Variants in ZNF253 observed in about 807,000 individuals in gnomAD.
ZNF253 encodes DNA-binding protein.
A neutral mutation model predicts 11.9 loss-of-function variants in ZNF253; 8 were observed. The observed-to-expected ratio is 0.67, with a 90% CI of 0.40 to 1.22. The LOEUF (loss-of-function observed/expected upper bound fraction) is 1.22. ZNF253 is among the 50% of genes most tolerant of loss of function. ZNF253 has a pLI of 0.01. For synonymous variants in ZNF253, 194 were observed against 194.9 expected (o/e 1.00, Z 0.04); for missense variants, 485 against 586.9 (o/e 0.83, Z 1.79).
chr19:19,877,634 C>T (rs974823096), intron 1 of ZNF253, among the ~76,000 whole-genome samples: 5 of 152,302 alleles, frequency 3.3e-5, no homozygotes, highest in Admixed American at 6.5e-5. Flanking sequence ...CTCGGCCTCC[C>T]AAAGTGCTGA....
chr19:19,874,641 G>A (rs956014475), intron 1 of ZNF253, among the ~76,000 whole-genome samples: 2 of 152,194 alleles, frequency 1.3e-5, no homozygotes, highest in East Asian at 1.9e-4. Flanking sequence ...GCCGGGCGCA[G>A]TGGCTCACGC....
chr19:19,880,673 C>T (rs980429594), intron 3 of ZNF253, among the ~76,000 whole-genome samples: 1 of 151,152 alleles, frequency 6.6e-6, no homozygotes, highest in Non-Finnish European at 1.5e-5. Context: ...CCATCGCACT[C>T]CAGCCTGGGC....
At chr19:19,872,829 T>TA (rs1465099400) in intron 1 of ZNF253, among the ~76,000 whole-genome samples, 2 of 151,842 alleles carry the variant, frequency 1.3e-5, no homozygotes, top group Non-Finnish European at 2.9e-5. Context: ...CATGTAGACT[T>TA]ACCATTTAGA....
At chr19:19,872,137 T>TG (rs1312088933) in intron 1 of ZNF253, among the ~76,000 whole-genome samples, 1 of 152,164 alleles carries the variant, frequency 6.6e-6, no homozygotes, top group Non-Finnish European at 1.5e-5. Flanking sequence ...GAATGACTCT[T>TG]GCATCTTCAG....
At chr19:19,869,262 G>A (rs1231278804) in intron 1 of ZNF253, among the ~76,000 whole-genome samples, 1 of 152,074 alleles carries the variant, frequency 6.6e-6, no homozygotes, top group African/African-American at 2.4e-5. Flanking sequence ...CAAGAACAGT[G>A]CATAAACAGT....
chr19:19,874,571 T>C (rs1287547504), intron 1 of ZNF253, among the ~76,000 whole-genome samples: 1 of 151,250 alleles, frequency 6.6e-6, no homozygotes, highest in Non-Finnish European at 1.5e-5. Flanking sequence ...AATTGCATAG[T>C]AGTGTATAGT....
At chr19:19,884,057 C>CA (rs751875742) in intron 3 of ZNF253, among the ~76,000 whole-genome samples, 1,453 of 66,244 alleles carry the variant, frequency 0.022, 7 homozygotes, top group Middle Eastern at 0.055. Flanking sequence ...AACTCCATCT[C>CA]AAAAAAAAAA....
intron 1 of ZNF253, among the ~76,000 whole-genome samples, chr19:19,871,604 A>T (rs1164293121): frequency 4.6e-5 from 7 of 152,314 alleles, no homozygotes; most frequent in Non-Finnish European, 1.0e-4. Flanking sequence ...TTTGTCATTG[A>T]ATATAAGCAA....
chr19:19,872,292 T>A (rs1056231422), intron 1 of ZNF253, among the ~76,000 whole-genome samples: 20 of 152,210 alleles, frequency 1.3e-4, no homozygotes, highest in African/African-American at 4.1e-4. Flanking sequence ...CACCTGCTGC[T>A]ACTCCAGCCA....
chr19:19,872,058 C>A (rs1003351272), intron 1 of ZNF253, among the ~76,000 whole-genome samples: 1 of 152,150 alleles, frequency 6.6e-6, no homozygotes, highest in Non-Finnish European at 1.5e-5. Flanking sequence ...TCTACAGTCA[C>A]TTCTAGAGAG....
intron 3 of ZNF253, among the ~76,000 whole-genome samples, chr19:19,882,701 G>T (rs185077294): frequency 7.2e-5 from 11 of 152,078 alleles, no homozygotes; most frequent in African/African-American, 2.7e-4. Flanking sequence ...TGCTGGATGC[G>T]GTGGCTCACG....
intron 3 of ZNF253, among the ~76,000 whole-genome samples, chr19:19,885,451 C>T (rs559393841): frequency 1.2e-4 from 18 of 150,404 alleles, no homozygotes; most frequent in African/African-American, 4.2e-4. Flanking sequence ...AGTTCAGTAG[C>T]GCAATCTCAG....
rs200767587 is a variant in ZNF253, at chr19:19,880,089, G to T, written c.169G>T (p.Glu57Ter). 5 of 1,608,468 alleles carry T rather than the reference G, an allele frequency of 3.1e-6. No individual in the cohort carries two copies. Among genetic ancestry groups the T allele is most frequent in the Non-Finnish European group, 8.5e-7 (1 of 1,177,828 alleles). ...VSKPDLVTCL[E>*]QGKKPLTMER... ...TAAGCCAGACCTGGTTACCTGTCTG[G>T]AGCAAGGAAAAAAACCTTTAACTAT... is the stretch of plus-strand genomic sequence containing the variant. Residue 57 changes from glutamate to a stop codon, truncating the protein, a stop_gained, in exon 3 of 4, where the codon GAG (glutamate) becomes TAG (stop). Transcript: ENST00000589717. LOFTEE classifies it high-confidence loss of function.
chr19:19,867,188 A>G (rs2063115162), intron 1 of ZNF253, among the ~76,000 whole-genome samples: 1 of 152,140 alleles, frequency 6.6e-6, no homozygotes. Flanking sequence ...TAAAAGTACA[A>G]AAATTAGCTG....
In ZNF253 at chr19:19,892,015, CA is replaced by C. The variant is rs747864086; in HGVS notation, c.771del (p.Lys257AsnfsTer20). On this transcript the variant is annotated frameshift_variant, in exon 4 of 4. Coordinates refer to ENST00000589717, the MANE Select transcript of ZNF253 (RefSeq NM_021047.3). LOFTEE classifies it low-confidence loss of function (END_TRUNC). ...AAATTCATACTGGAGAGAAACCCTA[CA>C]AATGTGAAGAATGTGGCAAAGCCTT... The part of the protein sequence containing the change: ...KKIHTGEKPY[K>X]CEECGKAFNR... 6.2e-7 allele frequency: 1 copy of C among 1,613,854 alleles called. No individual in the cohort carries two copies.
At chr19:19,875,642 G>A (rs1001055862) in intron 1 of ZNF253, among the ~76,000 whole-genome samples, 3 of 152,108 alleles carry the variant, frequency 2.0e-5, no homozygotes, top group Non-Finnish European at 4.4e-5. Flanking sequence ...TGATCCGCCC[G>A]CCTCGGCCTC....
rs1422030930 is a variant in ZNF253 at position 19,894,445 on chromosome 19, C to T, written c.*1698C>T. On this transcript the variant is annotated 3_prime_UTR_variant, in exon 4 of 4. Coordinates refer to ENST00000589717, the MANE Select transcript of ZNF253 (RefSeq NM_021047.3). ...AGTAAGGACATTAAAATGTAAGATG[C>T]ATGATGAAAATATAAGTGGAGAGGC... The T allele has an allele frequency of 6.6e-6, 1 of 152,040 alleles. No homozygotes were observed. Among genetic ancestry groups the T allele is most frequent in the Non-Finnish European group, 1.5e-5 (1 of 68,026 alleles). 9.4% of individuals were successfully genotyped at this position (152,040 alleles called of 1,614,324 possible).
chr19:19,893,950 T>G lies in ZNF253; in HGVS notation c.*1203T>G, dbSNP rs2063244248. 6.6e-6 allele frequency: 1 copy of G among 152,218 alleles called. No individual in the cohort carries two copies. The highest frequency in any genetic ancestry group is 2.1e-4 in the South Asian group (1 of 4,832). 9.4% of individuals were successfully genotyped at this position (152,218 alleles called of 1,614,324 possible). ...GCAAATGTAATGAATGGAAAGACTT[T>G]TCTTTTCCAAAAATGACAGCTTAGA... On this transcript the variant is annotated 3_prime_UTR_variant, in exon 4 of 4. Transcript: ENST00000589717.
chr19:19,884,088 A>G (rs1213467590), intron 3 of ZNF253, among the ~76,000 whole-genome samples: 1 of 151,950 alleles, frequency 6.6e-6, no homozygotes, highest in Admixed American at 6.6e-5. Flanking sequence ...TACCTCATAT[A>G]AGTGGAATCA....
Sources: gnomAD v4.1 joint callset for allele counts (sites outside exome capture counted in the v4.1 genomes callset) on GRCh38, gnomAD v4.1.1 for gene constraint, MANE v1.5 for transcripts, NCBI Gene and HGNC (gene_info 2026-07-23, HGNC 2026-07-21) for gene names.